FHOD3: variants seen among roughly 807,000 people sequenced by gnomAD.
FHOD3 encodes formin homology 2 domain containing 3, also known as FH1/FH2 domain-containing protein 3.
In FHOD3, 90 loss-of-function variants were observed where a neutral mutation model predicts 173.0. The ratio of observed to expected loss-of-function variants is 0.52; its 90% CI spans 0.44 to 0.62. The LOEUF is 0.62. Among genes scored for constraint, FHOD3 ranks in the 20% least tolerant of loss-of-function variants. The pLI is 0.00. For missense variants in FHOD3, 1,945 were observed against 2,034.7 expected (o/e 0.96, Z 0.85); for synonymous variants, 828 against 823.0 (o/e 1.01, Z -0.10).
At chr18:36,668,446 T>G (rs1163894530) in intron 14 of FHOD3, among the ~76,000 whole-genome samples, 1 of 152,056 alleles carries the variant, frequency 6.6e-6, no homozygotes, top group Non-Finnish European at 1.5e-5. Flanking sequence ...TTTATCAATT[T>G]TTTTTTGACC....
chr18:36,628,804 A>G (rs1432238124), intron 10 of FHOD3, among the ~76,000 whole-genome samples: 1 of 152,176 alleles, frequency 6.6e-6, no homozygotes, highest in African/African-American at 2.4e-5. Flanking sequence ...ACTTCCAGGC[A>G]TGGGTGCTCT....
intron 5 of FHOD3, among the ~76,000 whole-genome samples, chr18:36,528,799 C>T (rs149113958): frequency 3.3e-5 from 5 of 152,344 alleles, no homozygotes; most frequent in Admixed American, 2.0e-4. Flanking sequence ...GAACGACGTT[C>T]GTTGTACAGC....
At chr18:36,305,561 C>T (rs879545233) in intron 1 of FHOD3, among the ~76,000 whole-genome samples, 1 of 152,144 alleles carries the variant, frequency 6.6e-6, no homozygotes, top group Non-Finnish European at 1.5e-5. Flanking sequence ...GAGCTGTAAC[C>T]AGAGTGTGTG....
chr18:36,406,978 G>C (rs1326012833), intron 3 of FHOD3, among the ~76,000 whole-genome samples: 1 of 152,210 alleles, frequency 6.6e-6, no homozygotes, highest in Non-Finnish European at 1.5e-5. Context: ...TCATGCCTGA[G>C]ACCAGTGCTG....
At chr18:36,472,667 G>A (rs1008775542) in intron 3 of FHOD3, among the ~76,000 whole-genome samples, 1 of 152,150 alleles carries the variant, frequency 6.6e-6, no homozygotes, top group Admixed American at 6.5e-5. Flanking sequence ...CATATAATAT[G>A]TGGTCTTTTG....
At chr18:36,765,906 G>A (rs1380659886) in intron 27 of FHOD3, among the ~76,000 whole-genome samples, 1 of 151,914 alleles carries the variant, frequency 6.6e-6, no homozygotes, top group Non-Finnish European at 1.5e-5. Context: ...TATTTGAAGA[G>A]ATTGAAGAGA....
chr18:36,649,870 A>G (rs1248575968), intron 11 of FHOD3, among the ~76,000 whole-genome samples: 10 of 152,172 alleles, frequency 6.6e-5, no homozygotes, highest in Non-Finnish European at 1.3e-4. Context: ...TTTATATCCA[A>G]ACAGGAAAAT....
chr18:36,770,970 A>T (rs1401817648), intron 28 of FHOD3, among the ~76,000 whole-genome samples: 1 of 152,176 alleles, frequency 6.6e-6, no homozygotes. Context: ...TGGCTTGTAC[A>T]TCTTCAAGAA....
At chr18:36,363,344 G>A (rs2077673) in intron 2 of FHOD3, among the ~76,000 whole-genome samples, 61,600 of 152,142 alleles carry the variant, frequency 0.4, 15,791 homozygotes, top group African/African-American at 0.72. Flanking sequence ...AAGCCTGCAC[G>A]TATTTTCACA....
chr18:36,345,587 C>A (rs2045841292), intron 1 of FHOD3, among the ~76,000 whole-genome samples: 1 of 152,134 alleles, frequency 6.6e-6, no homozygotes, highest in Admixed American at 6.5e-5. Context: ...TACAGGTGTG[C>A]ACCACCACAC....
intron 2 of FHOD3, among the ~76,000 whole-genome samples, chr18:36,369,474 CACACACACACACACACACACACACAT>C (rs1385167191): frequency 3.1e-5 from 4 of 129,294 alleles, no homozygotes; most frequent in Admixed American, 3.1e-4. Context: ...CACACACACA[CACACACACACACACACACACACACAT>C]ATATATAGAG....
At chr18:36,312,348 C>T (rs2092278331) in intron 1 of FHOD3, among the ~76,000 whole-genome samples, 1 of 152,162 alleles carries the variant, frequency 6.6e-6, no homozygotes, top group African/African-American at 2.4e-5. Context: ...CCCTCTTTGT[C>T]CTGGATGGCT....
At chr18:36,463,922 T>C (rs2052747112) in intron 3 of FHOD3, among the ~76,000 whole-genome samples, 1 of 152,256 alleles carries the variant, frequency 6.6e-6, no homozygotes, top group African/African-American at 2.4e-5. Flanking sequence ...TTTTTTCTTA[T>C]TTGGGTTGCT....
At chr18:36,495,788 A>G (rs1471774305) in intron 3 of FHOD3, among the ~76,000 whole-genome samples, 1 of 152,218 alleles carries the variant, frequency 6.6e-6, no homozygotes, top group Non-Finnish European at 1.5e-5. Context: ...AGACCCACAC[A>G]GTGAGCACAG....
intron 7 of FHOD3, among the ~76,000 whole-genome samples, chr18:36,597,940 C>A (rs1462705846): frequency 6.6e-6 from 1 of 152,174 alleles, no homozygotes; most frequent in African/African-American, 2.4e-5. Context: ...ATAACGTCAT[C>A]CTATTCTACT....
intron 10 of FHOD3, among the ~76,000 whole-genome samples, chr18:36,644,054 G>T (rs573304295): frequency 1.2e-4 from 19 of 152,278 alleles, no homozygotes; most frequent in African/African-American, 4.6e-4. Context: ...ACGCCCCAAA[G>T]AACTGGTCAG....
intron 7 of FHOD3, among the ~76,000 whole-genome samples, chr18:36,601,249 G>A (rs2031338620): frequency 6.6e-6 from 1 of 152,202 alleles, no homozygotes; most frequent in Non-Finnish European, 1.5e-5. Context: ...GGGCAACTTA[G>A]CCAAAGCAAA....
chr18:36,655,115 T>A (rs1205965397), intron 13 of FHOD3, among the ~76,000 whole-genome samples: 2 of 150,726 alleles, frequency 1.3e-5, no homozygotes, highest in Non-Finnish European at 2.9e-5. Flanking sequence ...TTGAATTCCT[T>A]GAAACTACAA....
At chr18:36,588,875 A>G (rs369360780) in intron 6 of FHOD3, among the ~76,000 whole-genome samples, 1 of 152,214 alleles carries the variant, frequency 6.6e-6, no homozygotes, top group East Asian at 1.9e-4. Context: ...AAACAACAGC[A>G]AGAACAAGGC....
Sources: allele counts gnomAD v4.1 joint callset (sites outside exome capture counted in the v4.1 genomes callset), GRCh38; gene constraint gnomAD v4.1.1; transcripts MANE v1.5; gene names NCBI Gene and HGNC (gene_info 2026-07-23, HGNC 2026-07-21).